The following DPH7 variants were observed in gnomAD, a reference collection of about 807,000 sequenced individuals.
The protein encoded by DPH7 is diphthine methyltransferase.
Under a neutral mutation model 41.7 loss-of-function variants are expected in DPH7, and 44 were observed. The observed-to-expected ratio is 1.05, with a 90% CI of 0.83 to 1.36. The LOEUF is 1.36. Among genes scored for constraint, DPH7 ranks in the 40% most tolerant of loss-of-function variants. DPH7 has a pLI of 0.00. For missense variants in DPH7, 629 were observed against 577.5 expected (o/e 1.09, Z -0.91); for synonymous variants, 275 against 238.0 (o/e 1.16, Z -1.43).
At chr9:137,577,690 G>T in intron 1 of DPH7, 87 bp from the exon 2 acceptor site, 1 of 1,530,292 alleles carries the variant, frequency 6.5e-7, no homozygotes, top group Non-Finnish European at 8.9e-7. Context: ...GAACTCAAAG[G>T]TTTGCCATGA....
At chr9:137,569,260 A>C (rs1588887690) in intron 5 of DPH7, among the ~76,000 whole-genome samples, 37 of 124,582 alleles carry the variant, frequency 3.0e-4, no homozygotes, top group South Asian at 5.6e-4. Flanking sequence ...CCATCTATCC[A>C]CCCCCCGACC....
At chr9:137,558,870 G>A (rs1837995209) in intron 8 of DPH7, among the ~76,000 whole-genome samples, 1 of 152,104 alleles carries the variant, frequency 6.6e-6, no homozygotes, top group Non-Finnish European at 1.5e-5. Context: ...AAGTAGCTGG[G>A]ACTACAGGCG....
chr9:137,568,851 C>A (rs1207846092), intron 5 of DPH7, among the ~76,000 whole-genome samples: 5 of 152,144 alleles, frequency 3.3e-5, no homozygotes, highest in Non-Finnish European at 5.9e-5. Context: ...AGGGGCTAAA[C>A]TGCCTTTGCT....
chr9:137,562,082 T>C (rs990166220), intron 8 of DPH7, among the ~76,000 whole-genome samples: 2 of 152,186 alleles, frequency 1.3e-5, no homozygotes, highest in African/African-American at 4.8e-5. Context: ...GCCAGGATGG[T>C]CTCGATCTCC....
At chr9:137,571,809 A>T (rs1262744899) in intron 5 of DPH7, among the ~76,000 whole-genome samples, 2 of 152,120 alleles carry the variant, frequency 1.3e-5, no homozygotes, top group Non-Finnish European at 2.9e-5. Context: ...AATAAATAAA[A>T]ATAATAAAAC....
intron 8 of DPH7, among the ~76,000 whole-genome samples, chr9:137,562,802 A>G (rs180781821): frequency 9.9e-4 from 151 of 152,074 alleles, no homozygotes; most frequent in African/African-American, 3.5e-3. Context: ...CCCCGTCTCT[A>G]CTAAAAATAC....
At chr9:137,577,642 A>G in intron 1 of DPH7, 39 bp from the exon 2 acceptor site, 5 of 1,602,192 alleles carry the variant, frequency 3.1e-6, no homozygotes, top group Non-Finnish European at 4.3e-6. Context: ...TTATCCCAAG[A>G]CACGAAGGAA....
intron 8 of DPH7, among the ~76,000 whole-genome samples, chr9:137,561,957 T>C (rs1017045865): frequency 3.9e-5 from 6 of 152,076 alleles, no homozygotes; most frequent in East Asian, 1.9e-4. Flanking sequence ...CTCCGCCTCC[T>C]GGGTTCACGC....
At chr9:137,569,615 TCACCCA>T (rs1840046479) in intron 5 of DPH7, among the ~76,000 whole-genome samples, 1 of 58,902 alleles carries the variant, frequency 1.7e-5, no homozygotes, top group Non-Finnish European at 3.3e-5. Flanking sequence ...AGCCAGCCAC[TCACCCA>T]CCATCCATCC....
chr9:137,576,080 C>G lies in DPH7; in HGVS notation c.375G>C (p.Glu125Asp), dbSNP rs1187310306. 6.2e-7 allele frequency: 1 copy of G among 1,613,792 alleles called. No individual in the cohort carries two copies. Among genetic ancestry groups the G allele is most frequent in the Non-Finnish European group, 8.5e-7 (1 of 1,180,042 alleles). ...CACAGAACAAGTGCAAGTCACTGAC[C>G]TCAGATTCCACCAGGCGGAGCAGTT... is the stretch of plus-strand genomic sequence containing the variant. ...SIQLLRLVES[E>D]KSHVLEPLSS... Residue 125 changes from glutamate (E) to aspartate (D), a missense_variant and splice_region_variant, in exon 3 of 9, where the codon GAG becomes GAC. Physicochemically the swap from Glu to Asp is conservative, Grantham distance 45. Coordinates refer to ENST00000277540, the MANE Select transcript of DPH7 (RefSeq NM_138778.5).
chr9:137,575,625 C>T (rs1005871499), intron 3 of DPH7: 12 of 1,011,326 alleles, frequency 1.2e-5, no homozygotes, highest in Non-Finnish European at 1.4e-5. Flanking sequence ...TTCTCCTCCC[C>T]GACAGCTATC....
At chr9:137,571,614 C>T (rs866261711) in intron 5 of DPH7, among the ~76,000 whole-genome samples, 171 of 152,038 alleles carry the variant, frequency 1.1e-3, no homozygotes, top group African/African-American at 4.0e-3. Context: ...ATGGTAAAAC[C>T]GCATCTCTAC....
rs1433642346 is a variant in DPH7 at position 137,556,905 on chromosome 9, T to A, written c.950-1257A>T. 2.2e-6 allele frequency: 1 copy of A among 456,526 alleles called. No homozygotes were observed. The highest frequency in any genetic ancestry group is 1.5e-5 in the South Asian group (1 of 64,554). The allele number at this position is 456,526 out of a possible 1,614,324, so 28.3% of individuals were successfully genotyped here. ...CGAATGAGTGGACGGAAGACACTGT[T>A]GCGACCCCAAGAATGGGAGGCCCTT... On this transcript the variant is annotated intron_variant, in intron 8 of 8. Transcript: ENST00000277540. The surrounding 1 kb of genome is among the most constrained non-coding windows in gnomAD (Gnocchi z 5.2).
At position 137,564,951 on chromosome 9, in the gene DPH7, T is replaced by G. The variant is rs971597043; in HGVS notation, c.718A>C (p.Met240Leu). ...KFLFTSKRHT[M>L]GVCSIQSSPH... Reference sequence around the variant, plus strand: ...CTGCTCTGGATGCTGCACACACCCATGGTGTGTCTGCAAGCAGAGGCGGCT... The same window carrying G: ...CTGCTCTGGATGCTGCACACACCCAGGGTGTGTCTGCAAGCAGAGGCGGCT... Residue 240 changes from methionine to leucine, a missense_variant, in exon 7 of 9, where the codon ATG becomes CTG. Physicochemically the swap from Met to Leu is conservative, Grantham distance 15. Transcript: ENST00000277540. The G allele has an allele frequency of 2.5e-6, 4 of 1,595,712 alleles. No individual in the cohort carries two copies. Among genetic ancestry groups the G allele is most frequent in the Non-Finnish European group, 2.6e-6 (3 of 1,171,006 alleles).
rs759755966 is a variant in DPH7 at position 137,565,136 on chromosome 9, A to T, written c.659T>A (p.Leu220Gln). Residue 220 changes from leucine (L) to glutamine (Q), a missense_variant, in exon 6 of 9, where the codon CTG (leucine) becomes CAG (glutamine). Leu to Gln is a moderately radical substitution (Grantham distance 113, BLOSUM62 -2). Coordinates refer to ENST00000277540, the MANE Select transcript of DPH7 (RefSeq NM_138778.5). ...IVYSGGDDGL[L>Q]RGWDTRVPGK... ...GGGTACCCTGGTGTCCCAGCCCCTCAGAAGGCCATCGTCGCCCCCTGTGTG... is the reference window on the plus strand; with the variant it reads ...GGGTACCCTGGTGTCCCAGCCCCTCTGAAGGCCATCGTCGCCCCCTGTGTG... 6.2e-7 allele frequency: 1 copy of T among 1,614,040 alleles called. No homozygotes were observed. Among genetic ancestry groups the T allele is most frequent in the Non-Finnish European group, 8.5e-7 (1 of 1,180,016 alleles).
At position 137,578,644 on chromosome 9, in the gene DPH7, G is replaced by A. The variant is rs1246912621; in HGVS notation, c.134C>T (p.Pro45Leu). ...GCGCACCTTGTTCTGGGGGCCGGCA[G>A]GCCGGTCCTCCGGCCGCCGCAGCTG... The part of the protein sequence containing the change: ...TYQLRRPEDR[P>L]AGPQNKGGME... The change falls in exon 1 of 9, where the codon CCT becomes CTT. Residue 45 changes from proline to leucine, a missense_variant. Transcript: ENST00000277540. 24 of 1,513,972 alleles carry A rather than the reference G, an allele frequency of 1.6e-5. No individual in the cohort carries two copies. Among genetic ancestry groups the A allele is most frequent in the Non-Finnish European group, 1.8e-5 (21 of 1,135,356 alleles). 93.8% of individuals were successfully genotyped at this position (1,513,972 alleles called of 1,614,324 possible). A position where few individuals can be genotyped will look rare whatever the true frequency, so the allele number is the denominator to read the frequency against.
At chr9:137,577,286 G>A (rs898099419) in intron 2 of DPH7, among the ~76,000 whole-genome samples, 184 bp downstream of exon 2, 1 of 152,120 alleles carries the variant, frequency 6.6e-6, no homozygotes, top group Non-Finnish European at 1.5e-5. Context: ...TTCCCCGGCT[G>A]GAACATGACA....
chr9:137,572,123 C>T (rs919573345), intron 5 of DPH7, among the ~76,000 whole-genome samples: 1 of 152,154 alleles, frequency 6.6e-6, no homozygotes, highest in Non-Finnish European at 1.5e-5. Context: ...GCGTGAGCCA[C>T]GGCGGAGGTG....
rs1467608828 is a variant in DPH7, at chr9:137,556,442, G to A, written c.950-794C>T. Among the ~76,000 whole-genome samples the A allele has an allele frequency of 6.6e-6, 1 of 152,224 alleles. No homozygotes were observed. The highest frequency in any genetic ancestry group is 6.5e-5 in the Admixed American group (1 of 15,278). ...GCCATCGCTACCTCTGAAGTACAGG[G>A]ATTGATGCCAGCAGTGACCGGAATC... On this transcript the variant is annotated intron_variant, in intron 8 of 8. Coordinates refer to ENST00000277540, the MANE Select transcript of DPH7 (RefSeq NM_138778.5). This position sits in a 1 kb window ranked among gnomAD's most constrained non-coding sequence, Gnocchi z 5.2.
Sources: gnomAD v4.1 joint callset for allele counts (sites outside exome capture counted in the v4.1 genomes callset) on GRCh38, gnomAD v4.1.1 for gene constraint, Gnocchi (gnomAD v3.1) non-coding constraint, MANE v1.5 for transcripts, NCBI Gene and HGNC (gene_info 2026-07-23, HGNC 2026-07-21) for gene names.